Variants in DLGAP1 observed in about 807,000 individuals in gnomAD.
DLGAP1 encodes the protein disks large-associated protein 1.
DLGAP1 carries 11 observed loss-of-function variants against 90.8 expected under a neutral mutation model. That is an observed-to-expected ratio of 0.12 (90% CI 0.08 to 0.20). The LOEUF is 0.20. Ranked by LOEUF, DLGAP1 falls within the 10% of genes least tolerant of loss-of-function variation. The probability of loss-of-function intolerance (pLI) is 1.00; values close to 1 mark genes in which losing one functional copy is unlikely to be tolerated. For synonymous variants in DLGAP1, 558 were observed against 540.7 expected (o/e 1.03, Z -0.44); for missense variants, 1,050 against 1,333.8 (o/e 0.79, Z 3.31).
At chr18:4,023,925 G>A (rs1163964102) in intron 2 of DLGAP1, among the ~76,000 whole-genome samples, 2 of 152,136 alleles carry the variant, frequency 1.3e-5, no homozygotes, top group African/African-American at 4.8e-5. Flanking sequence ...TGGATCACAT[G>A]TCTGTGTGTG....
intron 2 of DLGAP1, among the ~76,000 whole-genome samples, chr18:4,134,333 C>T (rs911564211): frequency 1.2e-3 from 176 of 152,000 alleles, no homozygotes; most frequent in African/African-American, 3.8e-3. Flanking sequence ...CTCCCTGGGG[C>T]GGGAGGTTGG....
At chr18:4,244,550 A>G (rs897939798) in intron 1 of DLGAP1, among the ~76,000 whole-genome samples, 1 of 152,154 alleles carries the variant, frequency 6.6e-6, no homozygotes, top group South Asian at 2.1e-4. Context: ...TGAGTTGCCA[A>G]ATCAGTGATG....
chr18:4,020,026 T>C (rs1329269491), intron 2 of DLGAP1, among the ~76,000 whole-genome samples: 1 of 152,220 alleles, frequency 6.6e-6, no homozygotes. Flanking sequence ...ATATTCTGAT[T>C]GGCAACTGGT....
At chr18:3,808,904 T>C (rs914046889) in intron 5 of DLGAP1, among the ~76,000 whole-genome samples, 1 of 152,186 alleles carries the variant, frequency 6.6e-6, no homozygotes, top group African/African-American at 2.4e-5. Context: ...ATTTAAAATA[T>C]CCAGAATTAA....
chr18:3,887,890 T>G (rs530625081), intron 3 of DLGAP1, among the ~76,000 whole-genome samples: 20 of 151,812 alleles, frequency 1.3e-4, no homozygotes, highest in African/African-American at 4.6e-4. Flanking sequence ...GGGCGGATCA[T>G]GAGGTCAGGT....
At chr18:3,951,545 A>G (rs959592117) in intron 3 of DLGAP1, among the ~76,000 whole-genome samples, 7 of 152,218 alleles carry the variant, frequency 4.6e-5, no homozygotes, top group African/African-American at 1.4e-4. Context: ...ATTTTTTTGT[A>G]ATTTCAAGAA....
intron 1 of DLGAP1, among the ~76,000 whole-genome samples, chr18:4,349,850 A>AC (rs1359376085): frequency 3.9e-5 from 6 of 152,188 alleles, no homozygotes; most frequent in Non-Finnish European, 8.8e-5. Context: ...TGAGGCTTAC[A>AC]CGTGTTATTT....
intron 3 of DLGAP1, among the ~76,000 whole-genome samples, chr18:3,912,465 C>T (rs1599150423): frequency 6.6e-6 from 1 of 152,180 alleles, no homozygotes; most frequent in East Asian, 1.9e-4. Flanking sequence ...GGGAACTAGT[C>T]TAGGCACTGG....
At chr18:4,106,091 T>TA (rs1331768800) in intron 2 of DLGAP1, among the ~76,000 whole-genome samples, 1 of 151,634 alleles carries the variant, frequency 6.6e-6, no homozygotes. Context: ...GCTTAATTTT[T>TA]AAAAAAGGTT....
chr18:4,037,850 C>G (rs1015146900), intron 2 of DLGAP1, among the ~76,000 whole-genome samples: 20 of 152,174 alleles, frequency 1.3e-4, no homozygotes, highest in Admixed American at 1.3e-3. Flanking sequence ...GTCCCAGCTA[C>G]TCGGGAGGCT....
rs561223612 is a variant in DLGAP1 at position 3,998,853 on chromosome 18, TATG to T, written c.-73+6260_-73+6262del. On this transcript the variant is annotated intron_variant, in intron 3 of 12. Transcript: ENST00000315677. ...GATACTTTGCAGTTGTTTTTGTCAT[TATG>T]ATAACATTCCGCTAAAACAGGCAAA... Among the ~76,000 whole-genome samples, 20 of 152,306 alleles carry T rather than the reference TATG, an allele frequency of 1.3e-4. No individual in the cohort carries two copies. The East Asian group carries it at 3.7e-3, about 28-fold the overall frequency.
intron 2 of DLGAP1, among the ~76,000 whole-genome samples, chr18:4,010,421 G>A (rs1369534798): frequency 6.6e-6 from 1 of 152,116 alleles, no homozygotes; most frequent in East Asian, 1.9e-4. Flanking sequence ...GGTGGCACAA[G>A]CCTGTGGTCC....
At position 4,393,182 on chromosome 18, in the gene DLGAP1, AAATAG is replaced by A. The variant is rs371145674; in HGVS notation, c.-267+61819_-267+61823del. 1.2e-4 allele frequency among the ~76,000 whole-genome samples: 19 copies of A among 152,304 alleles called. No individual in the cohort carries two copies. The East Asian group carries it at 1.4e-3, about 11-fold the overall frequency. ...TTGAACAATTTTGTTGATTGCCTTAAAATAGAATAAATAAAATAAAACACTTAATA... is the reference window on the plus strand; with the variant it reads ...TTGAACAATTTTGTTGATTGCCTTAAAATAAATAAAATAAAACACTTAATA... On this transcript the variant is annotated intron_variant, in intron 1 of 12. Transcript: ENST00000315677.
At chr18:4,422,519 T>C (rs1160924524) in intron 1 of DLGAP1, among the ~76,000 whole-genome samples, 1 of 152,064 alleles carries the variant, frequency 6.6e-6, no homozygotes, top group Non-Finnish European at 1.5e-5. Context: ...AGTGAATATA[T>C]TTGTTAAACA....
chr18:3,632,293 T>C (rs548233), intron 7 of DLGAP1, among the ~76,000 whole-genome samples: 1 of 151,898 alleles, frequency 6.6e-6, no homozygotes, highest in Non-Finnish European at 1.5e-5. Context: ...TGGAAAAATA[T>C]TTTTTCTTTT....
intron 1 of DLGAP1, among the ~76,000 whole-genome samples, chr18:4,423,094 T>C (rs1181250394): frequency 6.6e-6 from 1 of 152,166 alleles, no homozygotes; most frequent in East Asian, 1.9e-4. Flanking sequence ...AAGTAACTTT[T>C]GTAGCTCAAA....
chr18:4,028,231 T>C (rs1477177822), intron 2 of DLGAP1, among the ~76,000 whole-genome samples: 1 of 152,262 alleles, frequency 6.6e-6, no homozygotes, highest in Non-Finnish European at 1.5e-5. Flanking sequence ...TATAGGGAAC[T>C]GTCTCTCTGT....
intron 9 of DLGAP1, among the ~76,000 whole-genome samples, chr18:3,537,291 A>C (rs539819856): frequency 3.8e-4 from 58 of 152,228 alleles, no homozygotes; most frequent in African/African-American, 1.4e-3. Context: ...GGCAGCCATC[A>C]TTCCACTTTC....
rs150265737 is a variant in DLGAP1, at chr18:3,697,706, C to T, written c.1591+31429G>A. ...GTTCCGTAGATGTCTATTAGGTCCA[C>T]TTGGTCCTAATAGACCAAGTCCTGA... On this transcript the variant is annotated intron_variant, in intron 7 of 12. Transcript: ENST00000315677. Among the ~76,000 whole-genome samples the T allele has an allele frequency of 9.7e-3, 1,477 of 152,210 alleles. 35 individuals carry two copies. The highest frequency in any genetic ancestry group is 0.034 in the African/African-American group (1,404 of 41,540).
Sources: gnomAD v4.1 joint callset for allele counts (sites outside exome capture counted in the v4.1 genomes callset) on GRCh38, gnomAD v4.1.1 for gene constraint, MANE v1.5 for transcripts, NCBI Gene and HGNC (gene_info 2026-07-23, HGNC 2026-07-21) for gene names.